KIAA1549: variants seen among roughly 807,000 people sequenced by gnomAD.
KIAA1549 encodes UPF0606 protein KIAA1549.
KIAA1549 carries 70 observed loss-of-function variants against 156.4 expected under a neutral mutation model. That is an observed-to-expected ratio of 0.45 (90% CI 0.37 to 0.55). The LOEUF is 0.55. KIAA1549 is among the 20% of genes least tolerant of loss of function. The pLI, the probability that KIAA1549 is intolerant of heterozygous loss-of-function variation, is 0.00. For synonymous variants in KIAA1549, 1,103 were observed against 1,066.4 expected, an observed-to-expected ratio of 1.03 and a Z score of -0.67; for missense variants, 2,428 against 2,540.9, an observed-to-expected ratio of 0.96 and a Z score of 0.96.
intron 7 of KIAA1549, 140 bp from the exon 8 acceptor site, chr7:138,903,876 T>C (rs1811933251): frequency 4.1e-6 from 3 of 735,002 alleles, no homozygotes; most frequent in East Asian, 3.1e-5. Context: ...CGCGCACATA[T>C]GTATTTGAAA....
chr7:138,878,605 T>G (rs1811154594), intron 12 of KIAA1549, among the ~76,000 whole-genome samples: 1 of 151,736 alleles, frequency 6.6e-6, no homozygotes, highest in East Asian at 1.9e-4. Context: ...TACAAGAATA[T>G]ACAAAAATTA....
chr7:138,879,802 C>G, intron 11 of KIAA1549, 149 bp from the exon 12 acceptor site: 1 of 605,296 alleles, frequency 1.7e-6, no homozygotes, highest in Non-Finnish European at 2.9e-6. Flanking sequence ...ACAGCGTCTT[C>G]AAGGATCACA....
intron 9 of KIAA1549, among the ~76,000 whole-genome samples, chr7:138,896,883 G>C (rs1287272677): frequency 6.6e-6 from 1 of 152,096 alleles, no homozygotes; most frequent in Non-Finnish European, 1.5e-5. Context: ...TTACAGGTGT[G>C]AGCCACCACA....
chr7:138,848,680 T>C (rs1445360986), intron 17 of KIAA1549, among the ~76,000 whole-genome samples: 1 of 152,196 alleles, frequency 6.6e-6, no homozygotes, highest in East Asian at 1.9e-4. Flanking sequence ...CAAGGTGATG[T>C]TGGCTTCATA....
At chr7:138,855,013 C>T (rs78500274) in intron 16 of KIAA1549, among the ~76,000 whole-genome samples, 2,449 of 152,238 alleles carry the variant, frequency 0.016, 18 homozygotes, top group South Asian at 0.037. Flanking sequence ...TCTGGCAGCA[C>T]GATGTGGCTC....
chr7:138,911,433 G>A (rs1316817686), intron 3 of KIAA1549, 110 bp from the exon 4 acceptor site: 9 of 774,202 alleles, frequency 1.2e-5, no homozygotes, highest in South Asian at 3.6e-5. Context: ...TGAAGGGGTA[G>A]TGCATCACGG....
intron 1 of KIAA1549, among the ~76,000 whole-genome samples, chr7:138,969,333 T>C (rs1814146235): frequency 1.3e-5 from 2 of 152,208 alleles, no homozygotes; most frequent in East Asian, 3.9e-4. Flanking sequence ...ACTTCCTGTC[T>C]CCATGGCTTT....
At chr7:138,845,189 A>G (rs986587534) in intron 17 of KIAA1549, among the ~76,000 whole-genome samples, 10 of 151,606 alleles carry the variant, frequency 6.6e-5, no homozygotes, top group Non-Finnish European at 2.9e-5. Flanking sequence ...TTTACAAATG[A>G]CAATTAAACA....
Position 138,866,618 on chromosome 7 carries a change from G to A in KIAA1549, c.4929+1357C>T, listed in dbSNP as rs150210537. On this transcript the variant is annotated intron_variant, in intron 15 of 19. Transcript: ENST00000422774. ...GTTTCCCAGTGCTGCCGGAGTTAGC[G>A]GCACCTGGCTCGCCCTCTCTGTCTT... is the stretch of plus-strand genomic sequence containing the variant. Among the ~76,000 whole-genome samples, 813 of 152,268 alleles carry A rather than the reference G, an allele frequency of 5.3e-3. 4 individuals carry two copies. Among genetic ancestry groups the A allele is most frequent in the African/African-American group, 0.019 (774 of 41,544 alleles).
At chr7:138,963,867 TG>T (rs778524714) in intron 1 of KIAA1549, among the ~76,000 whole-genome samples, 2 of 151,880 alleles carry the variant, frequency 1.3e-5, no homozygotes, top group Non-Finnish European at 2.9e-5. Context: ...AAAGCAAAAA[TG>T]GTATCAAAAC....
At position 138,838,175 on chromosome 7, in the gene KIAA1549, A is replaced by G; in HGVS notation, c.5599-15T>C. ...AGCATGTGTGTCTGAAAAACATGGC[A>G]AACGTCACTGTACTTCCTACGAAGA... On this transcript the variant is annotated splice_polypyrimidine_tract_variant and intron_variant, in intron 19 of 19. Coordinates refer to ENST00000422774, the MANE Select transcript of KIAA1549 (RefSeq NM_001164665.2). 6.9e-7 allele frequency: 1 copy of G among 1,455,330 alleles called. No homozygotes were observed. The highest frequency in any genetic ancestry group is 9.0e-7 in the Non-Finnish European group (1 of 1,109,668). 90.2% of individuals were successfully genotyped at this position (1,455,330 alleles called of 1,614,324 possible).
At chr7:138,888,431 T>C (rs898017361) in intron 10 of KIAA1549, among the ~76,000 whole-genome samples, 1 of 152,238 alleles carries the variant, frequency 6.6e-6, no homozygotes, top group African/African-American at 2.4e-5. Context: ...TGCAAGTCAC[T>C]TGTTCACTGG....
At chr7:138,868,158 A>C (rs754177809) in intron 14 of KIAA1549, 30 bp from the exon 15 acceptor site, 1 of 1,600,506 alleles carries the variant, frequency 6.2e-7, no homozygotes, top group Non-Finnish European at 8.5e-7. Flanking sequence ...TTATCTTCGT[A>C]GGAAATCACC....
At chr7:138,895,290 GT>G (rs1049561044) in intron 9 of KIAA1549, among the ~76,000 whole-genome samples, 2 of 152,194 alleles carry the variant, frequency 1.3e-5, no homozygotes, top group Non-Finnish European at 2.9e-5. Flanking sequence ...GCAACTGGTC[GT>G]TTCCCCTTCA....
chr7:138,869,829 G>T (rs1004956722), intron 13 of KIAA1549, 68 bp from the exon 14 acceptor site: 2 of 1,041,246 alleles, frequency 1.9e-6, no homozygotes, highest in Non-Finnish European at 2.8e-6. Flanking sequence ...CACACACTTC[G>T]CAAAGTCTTT....
chr7:138,929,020 T>C (rs556323428), intron 1 of KIAA1549, among the ~76,000 whole-genome samples: 31 of 152,354 alleles, frequency 2.0e-4, no homozygotes, highest in Non-Finnish European at 4.4e-4. Flanking sequence ...TGGTGTTTTA[T>C]CTCAGTGTTG....
intron 1 of KIAA1549, among the ~76,000 whole-genome samples, chr7:138,941,902 C>T (rs1468440245): frequency 6.6e-6 from 1 of 152,176 alleles, no homozygotes; most frequent in Admixed American, 6.6e-5. Context: ...TCTTAAAAAA[C>T]GTTGCAATGA....
Position 138,838,034 on chromosome 7 carries a change from C to A in KIAA1549, c.5725G>T (p.Gly1909Cys). 6.2e-7 allele frequency: 1 copy of A among 1,606,776 alleles called. No individual in the cohort carries two copies. The highest frequency in any genetic ancestry group is 1.1e-5 in the South Asian group (1 of 89,418). The change falls in exon 20 of 20, where the codon GGT becomes TGT. Residue 1909 changes from glycine to cysteine, a missense_variant. Around this residue, in one of 5 missense-constraint regions of KIAA1549, gnomAD observed 363 missense variants for 354.0 expected, o/e 1.03. Coordinates refer to ENST00000422774, the MANE Select transcript of KIAA1549 (RefSeq NM_001164665.2). ...PHRGLQGPGL[G>C]YPTSSTEDLQ... ...TCTTCCGTGGAGCTGGTGGGGTAAC[C>A]CAGCCCAGGGCCCTGCAGTCCCCGG...
chr7:138,946,949 C>T (rs770395129), intron 1 of KIAA1549, among the ~76,000 whole-genome samples: 4 of 152,204 alleles, frequency 2.6e-5, no homozygotes, highest in Non-Finnish European at 5.9e-5. Flanking sequence ...GGGAGAGAGG[C>T]TGATGGGAGC....
Sources: gnomAD v4.1 joint callset for allele counts (sites outside exome capture counted in the v4.1 genomes callset) on GRCh38, gnomAD v4.1.1 for gene constraint, gnomAD v4.1.1 regional missense constraint, MANE v1.5 for transcripts, NCBI Gene and HGNC (gene_info 2026-07-23, HGNC 2026-07-21) for gene names.